OSBPL1A: variants seen among roughly 807,000 people sequenced by gnomAD.
OSBPL1A encodes oxysterol binding protein like 1A.
A neutral mutation model predicts 137.1 loss-of-function variants in OSBPL1A; 80 were observed. The observed-to-expected ratio is 0.58, with a 90% CI of 0.49 to 0.70. The LOEUF (loss-of-function observed/expected upper bound fraction) is 0.70. Among genes scored for constraint, OSBPL1A ranks in the 30% least tolerant of loss-of-function variants. The pLI is 0.00. For missense variants in OSBPL1A, 970 were observed against 1,129.4 expected, an observed-to-expected ratio of 0.86 and a Z score of 2.02; for synonymous variants, 365 against 389.7, an observed-to-expected ratio of 0.94 and a Z score of 0.75.
At chr18:24,250,981 T>C (rs984397227) in intron 15 of OSBPL1A, among the ~76,000 whole-genome samples, 2 of 152,136 alleles carry the variant, frequency 1.3e-5, no homozygotes, top group Non-Finnish European at 2.9e-5. Flanking sequence ...AGCTCCCCCA[T>C]GGGCCAGTGG....
At chr18:24,314,617 T>G (rs949652764) in intron 11 of OSBPL1A, among the ~76,000 whole-genome samples, 1 of 152,212 alleles carries the variant, frequency 6.6e-6, no homozygotes, top group African/African-American at 2.4e-5. Flanking sequence ...TATCTTTTCT[T>G]AAGTATAACT....
chr18:24,310,142 T>C lies in OSBPL1A; in HGVS notation c.1092+1842A>G, dbSNP rs560957439. Among the ~76,000 whole-genome samples the C allele has an allele frequency of 4.4e-4, 67 of 151,278 alleles. 1 individual carries two copies. The highest frequency in any genetic ancestry group is 1.5e-3 in the African/African-American group (61 of 41,308). On this transcript the variant is annotated intron_variant, in intron 13 of 27. Transcript: ENST00000319481. ...TGCAAAACGTAAAAGTGCTTAACAC[T>C]ATAGTGCTAAAACTCTCATTAACTC... is the stretch of plus-strand genomic sequence containing the variant.
At chr18:24,359,690 A>T (rs1436788307) in intron 4 of OSBPL1A, among the ~76,000 whole-genome samples, 2 of 150,574 alleles carry the variant, frequency 1.3e-5, no homozygotes, top group Non-Finnish European at 1.5e-5. Context: ...ATAAATAAAT[A>T]AAAATTAAAA....
intron 5 of OSBPL1A, among the ~76,000 whole-genome samples, chr18:24,339,512 T>C (rs962976911): frequency 6.6e-6 from 1 of 152,220 alleles, no homozygotes; most frequent in Non-Finnish European, 1.5e-5. Context: ...AAGCCCTTTT[T>C]CTTGTGCAGT....
intron 5 of OSBPL1A, among the ~76,000 whole-genome samples, chr18:24,338,165 C>T (rs1246985401): frequency 6.6e-6 from 1 of 151,010 alleles, no homozygotes; most frequent in Non-Finnish European, 1.5e-5. Context: ...CTCTGCCTCT[C>T]GGGTTCAAGT....
chr18:24,267,410 C>T (rs1206827101), intron 15 of OSBPL1A, among the ~76,000 whole-genome samples: 1 of 152,018 alleles, frequency 6.6e-6, no homozygotes, highest in African/African-American at 2.4e-5. Context: ...GGAGGGAATA[C>T]TCCTAAACTC....
rs575978185 is a variant in OSBPL1A, at chr18:24,371,955, C to T, written c.122-3583G>A. Among the ~76,000 whole-genome samples the T allele has an allele frequency of 1.3e-4, 20 of 152,194 alleles. No individual in the cohort carries two copies. The South Asian group carries it at 3.9e-3, about 30-fold the overall frequency. On this transcript the variant is annotated intron_variant, in intron 2 of 27. Coordinates refer to ENST00000319481, the MANE Select transcript of OSBPL1A (RefSeq NM_080597.4). ...TATCCTTTGGAAAATTTATTTTCCC[C>T]GACTATTCCATTACTGGTAACTTCA...
chr18:24,376,408 T>C lies in OSBPL1A; in HGVS notation c.121+1005A>G, dbSNP rs189746940. 5.0e-3 allele frequency among the ~76,000 whole-genome samples: 762 copies of C among 152,334 alleles called. 6 individuals carry two copies. Among genetic ancestry groups the C allele is most frequent in the African/African-American group, 0.018 (746 of 41,574 alleles). ...GACGCAGGGTGCTGATTGGTGTGTT[T>C]ATAAACCTTGAGCTAGATACAGAGT... On this transcript the variant is annotated intron_variant, in intron 2 of 27. Coordinates refer to ENST00000319481, the MANE Select transcript of OSBPL1A (RefSeq NM_080597.4).
intron 15 of OSBPL1A, among the ~76,000 whole-genome samples, chr18:24,263,462 A>G (rs2089489875): frequency 6.6e-6 from 1 of 152,216 alleles, no homozygotes; most frequent in Non-Finnish European, 1.5e-5. Context: ...ATATTGGACT[A>G]AAATATATAG....
rs138035008 is a variant in OSBPL1A, at chr18:24,162,502, A to G, written c.*677T>C. On this transcript the variant is annotated 3_prime_UTR_variant, in exon 28 of 28. Coordinates refer to ENST00000319481, the MANE Select transcript of OSBPL1A (RefSeq NM_080597.4). The stretch of plus-strand genomic sequence containing the variant: ...GTTCAAATGTAAACTTAACCATTTT[A>G]ATGATACTGACTGCAGAAAACTGTA... 1 of 152,368 alleles carries G rather than the reference A, an allele frequency of 6.6e-6. No homozygotes were observed. Among genetic ancestry groups the G allele is most frequent in the East Asian group, 1.9e-4 (1 of 5,192 alleles). The allele number at this position is 152,368 out of a possible 1,614,324, so 9.4% of individuals were successfully genotyped here. A position where few individuals can be genotyped will look rare whatever the true frequency, so the allele number is the denominator to read the frequency against.
At chr18:24,249,489 T>C (rs2089006622) in intron 15 of OSBPL1A, among the ~76,000 whole-genome samples, 1 of 152,160 alleles carries the variant, frequency 6.6e-6, no homozygotes, top group Non-Finnish European at 1.5e-5. Flanking sequence ...CCTGATTTCA[T>C]ATCTCTGAAA....
At chr18:24,181,015 G>T in intron 19 of OSBPL1A, 130 bp downstream of exon 19, 2 of 1,106,908 alleles carry the variant, frequency 1.8e-6, no homozygotes, top group Non-Finnish European at 2.5e-6. Flanking sequence ...CAGACATGCG[G>T]ACTGAGCTTT....
At chr18:24,380,632 G>C (rs1178462423) in intron 1 of OSBPL1A, among the ~76,000 whole-genome samples, 4 of 152,214 alleles carry the variant, frequency 2.6e-5, no homozygotes, top group East Asian at 3.8e-4. Context: ...CTCGCACAAG[G>C]CCTCGCTCAG....
chr18:24,341,520 G>C (rs1261321984), intron 5 of OSBPL1A, 27 bp downstream of exon 5: 4 of 1,541,764 alleles, frequency 2.6e-6, no homozygotes, highest in Non-Finnish European at 3.6e-6. Context: ...AGTAAATGCT[G>C]TTTATGTTCA....
intron 1 of OSBPL1A, among the ~76,000 whole-genome samples, chr18:24,391,732 AAAAC>A (rs200155038): frequency 5.6e-4 from 85 of 152,264 alleles, no homozygotes; most frequent in Non-Finnish European, 1.0e-3. Context: ...TCTTTTTTAA[AAAAC>A]AAACAAACAA....
At chr18:24,185,781 A>C (rs2145929937) in intron 18 of OSBPL1A, among the ~76,000 whole-genome samples, 1 of 152,326 alleles carries the variant, frequency 6.6e-6, no homozygotes, top group South Asian at 2.1e-4. Context: ...CTTTTGAAAA[A>C]TAAAATTAGG....
rs748181627 is a variant in OSBPL1A, at chr18:24,366,963, C to T, written c.211G>A (p.Gly71Ser). The change falls in exon 4 of 28, where the codon GGT becomes AGT. Residue 71 changes from glycine (G) to serine (S), a missense_variant. Transcript: ENST00000319481. ...RQVVQDLLKA[G>S]AEVNVLNDMG... ...TCATTCAACACATTCACTTCTGCAC[C>T]AGCCTAGTAAACATGACCACTTTAA... is the stretch of plus-strand genomic sequence containing the variant. The T allele has an allele frequency of 1.9e-6, 3 of 1,608,886 alleles. No individual in the cohort carries two copies. Among genetic ancestry groups the T allele is most frequent in the Non-Finnish European group, 2.5e-6 (3 of 1,177,440 alleles).
intron 16 of OSBPL1A, among the ~76,000 whole-genome samples, chr18:24,226,797 G>A (rs1343652563): frequency 6.6e-6 from 1 of 151,646 alleles, no homozygotes; most frequent in African/African-American, 2.4e-5. Context: ...TTTTAATGTT[G>A]GGAAAGTTTT....
intron 15 of OSBPL1A, among the ~76,000 whole-genome samples, chr18:24,240,782 A>T (rs950701283): frequency 1.3e-5 from 2 of 152,202 alleles, no homozygotes; most frequent in Non-Finnish European, 2.9e-5. Context: ...TGTTTTCGAA[A>T]GCAGTTGTGC....
Sources: gnomAD v4.1 joint callset for allele counts (sites outside exome capture counted in the v4.1 genomes callset) on GRCh38, gnomAD v4.1.1 for gene constraint, MANE v1.5 for transcripts, NCBI Gene and HGNC (gene_info 2026-07-23, HGNC 2026-07-21) for gene names.